The following TTYH3 variants were observed in gnomAD, a reference collection of about 807,000 sequenced individuals.
TTYH3 encodes tweety family member 3, also known as protein tweety homolog 3.
Under a neutral mutation model 68.2 loss-of-function variants are expected in TTYH3, and 23 were observed. The ratio of observed to expected loss-of-function variants is 0.34; its 90% CI spans 0.24 to 0.48. The LOEUF is 0.48. Ranked by LOEUF, TTYH3 falls within the 20% of genes least tolerant of loss-of-function variation. The pLI is 0.99. For missense variants in TTYH3, 768 were observed against 727.7 expected, an observed-to-expected ratio of 1.06 and a Z score of -0.64; for synonymous variants, 360 against 332.8, an observed-to-expected ratio of 1.08 and a Z score of -0.89.
Position 2,662,174 on chromosome 7 carries a change from C to T in TTYH3, c.*435C>T. On this transcript the variant is annotated 3_prime_UTR_variant, in exon 14 of 14. Transcript: ENST00000258796. ...TGGGGCCGCTCTGTGCTGGCGCCTG[C>T]TGGCCACTGAGGGACAGGGACACGT... 3.2e-6 allele frequency: 1 copy of T among 308,882 alleles called. No individual in the cohort carries two copies. Among genetic ancestry groups the T allele is most frequent in the Non-Finnish European group, 6.2e-6 (1 of 161,770 alleles). The allele number at this position is 308,882 out of a possible 1,614,324, so 19.1% of individuals were successfully genotyped here.
At chr7:2,642,399 A>G (rs577347624) in intron 1 of TTYH3, among the ~76,000 whole-genome samples, 5 of 151,772 alleles carry the variant, frequency 3.3e-5, no homozygotes, top group Non-Finnish European at 7.4e-5. Context: ...AAAATTAGCC[A>G]AGTGTGTTGG....
chr7:2,647,880 T>G, intron 4 of TTYH3, 79 bp from the exon 5 acceptor site: 3 of 1,512,192 alleles, frequency 2.0e-6, no homozygotes, highest in Non-Finnish European at 1.8e-6. Context: ...TGGCCTCAGC[T>G]CCCCCTCAAG....
rs572905049 is a variant in TTYH3, at chr7:2,648,108, G to C, written c.722+54G>C. ...GGCCCAAAGCGGAGGGGCAGGGCAA[G>C]GCACCATGTTACCCCTTCCCCCACC... On this transcript the variant is annotated intron_variant, in intron 5 of 13. Transcript: ENST00000258796. 4 of 1,538,050 alleles carry C rather than the reference G, an allele frequency of 2.6e-6. No individual in the cohort carries two copies. The East Asian group carries it at 9.0e-5, about 35-fold the overall frequency.
At chr7:2,659,757 G>A (rs1417639840) in intron 13 of TTYH3, among the ~76,000 whole-genome samples, 1 of 152,100 alleles carries the variant, frequency 6.6e-6, no homozygotes, top group East Asian at 1.9e-4. Flanking sequence ...TGGGCCTGGG[G>A]GGCCTGGGAG....
rs151026155 is a variant in TTYH3, at chr7:2,651,959, C to A, written c.872-228C>A. On this transcript the variant is annotated intron_variant, in intron 7 of 13. Transcript: ENST00000258796. Reference sequence around the variant, plus strand: ...ATGCACACATATAAACACACAGACACATGCACACCGGCACACGTGCACACG... The same window carrying A: ...ATGCACACATATAAACACACAGACAAATGCACACCGGCACACGTGCACACG... 8.9e-4 allele frequency among the ~76,000 whole-genome samples: 135 copies of A among 152,278 alleles called. 1 individual carries two copies. The East Asian group carries it at 0.023, about 26-fold the overall frequency.
intron 11 of TTYH3, among the ~76,000 whole-genome samples, chr7:2,657,925 C>G (rs1786382013): frequency 6.6e-6 from 1 of 152,188 alleles, no homozygotes; most frequent in African/African-American, 2.4e-5. Flanking sequence ...TTGGATCCTG[C>G]AGAGCCAAGA....
chr7:2,660,975 G>A (rs545422721), intron 13 of TTYH3, among the ~76,000 whole-genome samples: 1 of 152,202 alleles, frequency 6.6e-6, no homozygotes, highest in African/African-American at 2.4e-5. Context: ...CCCACGAGGT[G>A]CAGGCCAGCT....
Position 2,661,759 on chromosome 7 carries a change from C to T in TTYH3, c.*20C>T, listed in dbSNP as rs1786504659. Reference sequence around the variant, plus strand: ...CACTAGACCGCGCCCGGCAGCCACCCACCCCACGTGCCAACTTCCCCTCCC... The same window carrying T: ...CACTAGACCGCGCCCGGCAGCCACCTACCCCACGTGCCAACTTCCCCTCCC... On this transcript the variant is annotated 3_prime_UTR_variant, in exon 14 of 14. Transcript: ENST00000258796. The T allele has an allele frequency of 1.2e-6, 2 of 1,604,096 alleles. No individual in the cohort carries two copies. The highest frequency in any genetic ancestry group is 1.7e-6 in the Non-Finnish European group (2 of 1,177,200).
chr7:2,633,796 C>T (rs1264815050), intron 1 of TTYH3, among the ~76,000 whole-genome samples: 1 of 152,250 alleles, frequency 6.6e-6, no homozygotes, highest in Non-Finnish European at 1.5e-5. Context: ...CTGTTTCCTG[C>T]TGCCCCTTGG....
Position 2,661,676 on chromosome 7 carries a change from C to T in TTYH3, c.1509C>T (p.Ser503=). 1.2e-6 allele frequency: 2 copies of T among 1,612,344 alleles called. No individual in the cohort carries two copies. The highest frequency in any genetic ancestry group is 2.7e-5 in the African/African-American group (2 of 74,980). ...GRESPPPSYT[S]SMRAKYLATS... ...CCCTTGTCTCCCTCCAGTACACCTC[C>T]AGCATGAGAGCCAAATACCTCGCCA... The change falls in exon 14 of 14, where the codon TCC becomes TCT. Residue 503 remains serine (S), a synonymous_variant. Transcript: ENST00000258796.
chr7:2,656,260 G>T (rs1786331147), intron 10 of TTYH3, 76 bp downstream of exon 10: 5 of 1,554,714 alleles, frequency 3.2e-6, no homozygotes, highest in Non-Finnish European at 4.4e-6. Flanking sequence ...CGGGAGGATG[G>T]GGACCCTCAG....
intron 1 of TTYH3, among the ~76,000 whole-genome samples, chr7:2,641,746 G>A (rs947029464): frequency 2.6e-5 from 4 of 152,250 alleles, no homozygotes; most frequent in Non-Finnish European, 4.4e-5. Context: ...GCAGGAGACC[G>A]TCTGCTGGGA....
At chr7:2,651,211 G>C (rs1786166997) in intron 7 of TTYH3, among the ~76,000 whole-genome samples, 2 of 152,162 alleles carry the variant, frequency 1.3e-5, no homozygotes, top group African/African-American at 4.8e-5. Context: ...TAGAAGGCCT[G>C]TCCCTGTGGG....
Position 2,645,034 on chromosome 7 carries a change from A to G in TTYH3, c.124-1819A>G, listed in dbSNP as rs1329333164. 6.6e-6 allele frequency among the ~76,000 whole-genome samples: 1 copy of G among 152,162 alleles called. No individual in the cohort carries two copies. Among genetic ancestry groups the G allele is most frequent in the Non-Finnish European group, 1.5e-5 (1 of 68,014 alleles). On this transcript the variant is annotated intron_variant, in intron 1 of 13. Coordinates refer to ENST00000258796, the MANE Select transcript of TTYH3 (RefSeq NM_025250.3). The surrounding 1 kb of genome is among the most constrained non-coding windows in gnomAD (Gnocchi z 4.8). ...CTGAAGCATTGAGATGTGGGGAGAGAGGCGTTTCTCTGCAGTAGTGCCAAT... is the reference window on the plus strand; with the variant it reads ...CTGAAGCATTGAGATGTGGGGAGAGGGGCGTTTCTCTGCAGTAGTGCCAAT...
At chr7:2,641,716 T>G (rs1263983163) in intron 1 of TTYH3, among the ~76,000 whole-genome samples, 3 of 152,236 alleles carry the variant, frequency 2.0e-5, no homozygotes, top group Non-Finnish European at 4.4e-5. Flanking sequence ...ACCGTAGGAA[T>G]GCCGCTGGCC....
In TTYH3 at chr7:2,632,258, G is replaced by C. The variant is rs779529769; in HGVS notation, c.103G>C (p.Glu35Gln). ...WEATSSQFRP[E>Q]DTDYQQALLL... ...GGCCACTAGCAGCCAGTTCCGGCCC[G>C]AGGACACCGACTACCAGCAGGTGAC... Residue 35 changes from glutamate to glutamine, a missense_variant, in exon 1 of 14, where the codon GAG becomes CAG. Coordinates refer to ENST00000258796, the MANE Select transcript of TTYH3 (RefSeq NM_025250.3). 5 of 1,585,222 alleles carry C rather than the reference G, an allele frequency of 3.2e-6. No homozygotes were observed. Among genetic ancestry groups the C allele is most frequent in the Middle Eastern group, 1.7e-4 (1 of 5,966 alleles).
intron 1 of TTYH3, among the ~76,000 whole-genome samples, chr7:2,638,972 C>G (rs539750454): frequency 2.0e-5 from 3 of 152,122 alleles, no homozygotes; most frequent in Admixed American, 1.3e-4. Flanking sequence ...CCTCCCCAAA[C>G]AAGTCTGGGC....
chr7:2,645,784 G>A lies in TTYH3; in HGVS notation c.124-1069G>A, dbSNP rs1328864590. On this transcript the variant is annotated intron_variant, in intron 1 of 13. Transcript: ENST00000258796. This position sits in a 1 kb window ranked among gnomAD's most constrained non-coding sequence, Gnocchi z 4.8. ...GTTCACCCCTCAGAAACACTTTCAT[G>A]GTCAGCAAGAGGGGGTTCAGTCCCC... is the stretch of plus-strand genomic sequence containing the variant. The A allele has an allele frequency of 6.4e-6, 3 of 470,972 alleles. No homozygotes were observed. The highest frequency in any genetic ancestry group is 6.0e-5 in the African/African-American group (3 of 50,162). 29.2% of individuals were successfully genotyped at this position (470,972 alleles called of 1,614,324 possible).
At chr7:2,638,541 G>A (rs1274893241) in intron 1 of TTYH3, among the ~76,000 whole-genome samples, 1 of 152,088 alleles carries the variant, frequency 6.6e-6, no homozygotes, top group African/African-American at 2.4e-5. Flanking sequence ...CCCGGGGGGT[G>A]TGGGGCCATG....
Sources: allele counts gnomAD v4.1 joint callset (sites outside exome capture counted in the v4.1 genomes callset), GRCh38; gene constraint gnomAD v4.1.1; non-coding constraint Gnocchi (gnomAD v3.1); transcripts MANE v1.5; gene names NCBI Gene and HGNC (gene_info 2026-07-23, HGNC 2026-07-21).